The following ARNT2 variants were observed in gnomAD, a reference collection of about 807,000 sequenced individuals.
ARNT2 encodes the protein ARNT protein 2.
Under a neutral mutation model 91.7 loss-of-function variants are expected in ARNT2, and 36 were observed. The ratio of observed to expected loss-of-function variants is 0.39; its 90% confidence interval spans 0.30 to 0.52. The LOEUF (loss-of-function observed/expected upper bound fraction) is 0.52. Among genes scored for constraint, ARNT2 ranks in the 20% least tolerant of loss-of-function variants. ARNT2 has a pLI of 0.72. For synonymous variants in ARNT2, 365 were observed against 347.1 expected, an observed-to-expected ratio of 1.05 and a Z score of -0.57; for missense variants, 775 against 939.3, an observed-to-expected ratio of 0.83 and a Z score of 2.29.
intron 2 of ARNT2, among the ~76,000 whole-genome samples, chr15:80,451,416 A>G (rs925015024): frequency 6.6e-6 from 1 of 152,224 alleles, no homozygotes; most frequent in Non-Finnish European, 1.5e-5. Flanking sequence ...ATTCCTTTCA[A>G]AATAATTGGC....
At chr15:80,525,481 G>T (rs186865150) in intron 8 of ARNT2, among the ~76,000 whole-genome samples, 1 of 151,976 alleles carries the variant, frequency 6.6e-6, no homozygotes, top group Non-Finnish European at 1.5e-5. Context: ...GCTCAGACCT[G>T]ACAGATAGTA....
At position 80,514,328 on chromosome 15, in the gene ARNT2, T is replaced by G. The variant is rs780280689; in HGVS notation, c.800T>G (p.Leu267Arg). ...TTMRKRFRNG[L>R]GPVKEGEAQY... ...CAAATGTTCTTTTTTAGGAATGGCC[T>G]TGGCCCTGTGAAAGAAGGAGAAGCC... Residue 267 changes from leucine to arginine, a missense_variant, in exon 8 of 19, where the codon CTT (leucine) becomes CGT (arginine). Coordinates refer to ENST00000303329, the MANE Select transcript of ARNT2 (RefSeq NM_014862.4). The G allele has an allele frequency of 6.2e-7, 1 of 1,614,150 alleles. No individual in the cohort carries two copies. The highest frequency in any genetic ancestry group is 2.2e-5 in the East Asian group (1 of 44,878).
chr15:80,471,484 A>G (rs1896730476), intron 4 of ARNT2, among the ~76,000 whole-genome samples: 1 of 152,178 alleles, frequency 6.6e-6, no homozygotes. Context: ...TCGTGACATG[A>G]GTTTACTCCC....
At chr15:80,481,532 A>C (rs1359074357) in intron 5 of ARNT2, among the ~76,000 whole-genome samples, 1 of 152,128 alleles carries the variant, frequency 6.6e-6, no homozygotes, top group African/African-American at 2.4e-5. Flanking sequence ...TATCATAGCA[A>C]GACCTTACTT....
At chr15:80,554,191 T>C (rs1393366285) in intron 10 of ARNT2, among the ~76,000 whole-genome samples, 1 of 152,148 alleles carries the variant, frequency 6.6e-6, no homozygotes, top group African/African-American at 2.4e-5. Context: ...GGTGGATCAC[T>C]TGAGGTCAGG....
chr15:80,476,678 G>C (rs778072340), intron 5 of ARNT2, among the ~76,000 whole-genome samples: 1 of 152,122 alleles, frequency 6.6e-6, no homozygotes, highest in Non-Finnish European at 1.5e-5. Flanking sequence ...GGTCAGCCTA[G>C]GATGCCATAA....
At chr15:80,590,990 G>T (rs1336935339) in intron 17 of ARNT2, among the ~76,000 whole-genome samples, 1 of 152,188 alleles carries the variant, frequency 6.6e-6, no homozygotes, top group Non-Finnish European at 1.5e-5. Context: ...CCCTGTAGGG[G>T]GACCTTGTAT....
intron 5 of ARNT2, among the ~76,000 whole-genome samples, chr15:80,476,910 C>T (rs1896812697): frequency 6.6e-6 from 1 of 152,144 alleles, no homozygotes; most frequent in Non-Finnish European, 1.5e-5. Context: ...TGGGGGCAGG[C>T]CCTGATGGGA....
rs563089231 is a variant in ARNT2, at chr15:80,476,114, T to C, written c.622+891T>C. Among the ~76,000 whole-genome samples the C allele has an allele frequency of 8.7e-4, 132 of 152,374 alleles. 2 individuals carry two copies. The highest frequency in any genetic ancestry group is 3.0e-3 in the African/African-American group (125 of 41,588). On this transcript the variant is annotated intron_variant, in intron 5 of 18. Coordinates refer to ENST00000303329, the MANE Select transcript of ARNT2 (RefSeq NM_014862.4). ...AAATGTATACATCTTACCACACATA[T>C]GGCAGTTGAGTTTGAAAATGACCTA...
chr15:80,445,342 TTGTG>T (rs745769760), intron 1 of ARNT2, among the ~76,000 whole-genome samples: 1 of 132,968 alleles, frequency 7.5e-6, no homozygotes, highest in Non-Finnish European at 1.6e-5. Context: ...AGTGGTGTGT[TTGTG>T]TGTTGATGTG....
intron 1 of ARNT2, among the ~76,000 whole-genome samples, chr15:80,446,706 G>A (rs1463402893): frequency 1.3e-5 from 2 of 152,252 alleles, no homozygotes; most frequent in African/African-American, 4.8e-5. Flanking sequence ...TAGGGTGGAT[G>A]TAAAGCTTGT....
intron 5 of ARNT2, among the ~76,000 whole-genome samples, chr15:80,496,121 A>G (rs1897123819): frequency 6.6e-6 from 1 of 151,980 alleles, no homozygotes; most frequent in African/African-American, 2.4e-5. Flanking sequence ...CAGTTTATAG[A>G]TTCTTGCTCT....
intron 8 of ARNT2, among the ~76,000 whole-genome samples, chr15:80,544,178 CT>C (rs1897955913): frequency 6.6e-6 from 1 of 152,332 alleles, no homozygotes; most frequent in South Asian, 2.1e-4. Flanking sequence ...TGTTTGTTTG[CT>C]AATTCTAAAA....
At chr15:80,508,113 C>T (rs200734155) in intron 5 of ARNT2, 43 bp from the exon 6 acceptor site, 19 of 1,598,212 alleles carry the variant, frequency 1.2e-5, no homozygotes, top group Non-Finnish European at 1.5e-5. Flanking sequence ...CATCTCCCAA[C>T]CGAAGGCAGA....
At chr15:80,527,274 G>T (rs1019780966) in intron 8 of ARNT2, among the ~76,000 whole-genome samples, 1 of 152,220 alleles carries the variant, frequency 6.6e-6, no homozygotes, top group African/African-American at 2.4e-5. Context: ...AGACAGGTAG[G>T]CCTGCAGGTC....
intron 12 of ARNT2, among the ~76,000 whole-genome samples, chr15:80,573,419 A>G (rs1026226642): frequency 3.3e-5 from 5 of 152,186 alleles, no homozygotes; most frequent in African/African-American, 1.2e-4. Flanking sequence ...AGTAATTTGA[A>G]TTGCATAGTA....
chr15:80,521,825 T>C (rs1399978116), intron 8 of ARNT2, among the ~76,000 whole-genome samples: 1 of 152,150 alleles, frequency 6.6e-6, no homozygotes, highest in East Asian at 1.9e-4. Context: ...TAATGGGTTA[T>C]GTTAATAATG....
chr15:80,516,014 C>G (rs1897429090), intron 8 of ARNT2, among the ~76,000 whole-genome samples: 3 of 151,948 alleles, frequency 2.0e-5, no homozygotes, highest in Non-Finnish European at 1.5e-5. Context: ...GGATTACAGC[C>G]TCCCACCACC....
chr15:80,413,376 C>T (rs1209250143), intron 1 of ARNT2, among the ~76,000 whole-genome samples: 1 of 152,244 alleles, frequency 6.6e-6, no homozygotes, highest in Non-Finnish European at 1.5e-5. Context: ...TTGACCTACA[C>T]ACTTCCAACC....
Sources: allele counts gnomAD v4.1 joint callset (sites outside exome capture counted in the v4.1 genomes callset), GRCh38; gene constraint gnomAD v4.1.1; transcripts MANE v1.5; gene names NCBI Gene and HGNC (gene_info 2026-07-23, HGNC 2026-07-21).